The following TBCD variants were observed in gnomAD, a reference collection of about 807,000 sequenced individuals.
TBCD encodes tubulin-specific chaperone D.
In TBCD, 105 loss-of-function variants were observed where a neutral mutation model predicts 169.3. The observed-to-expected ratio is 0.62, with a 90% confidence interval of 0.53 to 0.73. The LOEUF is 0.73. Among genes scored for constraint, TBCD ranks in the 30% least tolerant of loss-of-function variants. The pLI is 0.00. For synonymous variants in TBCD, 700 were observed against 643.9 expected (o/e 1.09, Z -1.32); for missense variants, 1,444 against 1,600.1 (o/e 0.90, Z 1.66).
Position 82,831,955 on chromosome 17 carries a change from T to C in TBCD, c.1318+17021T>C. On this transcript the variant is annotated intron_variant, in intron 13 of 38. Transcript: ENST00000355528. The surrounding 1 kb of genome is among the most constrained non-coding windows in gnomAD (Gnocchi z 4.6). Reference sequence around the variant, plus strand: ...GTTGTCTGGCCCCTTGAGTCTGTGCTCGCCGACTGGAACAAATGCAGAAGG... The same window carrying C: ...GTTGTCTGGCCCCTTGAGTCTGTGCCCGCCGACTGGAACAAATGCAGAAGG... The C allele has an allele frequency of 6.2e-7, 1 of 1,613,962 alleles. No homozygotes were observed. Among genetic ancestry groups the C allele is most frequent in the Non-Finnish European group, 8.5e-7 (1 of 1,179,888 alleles).
chr17:82,900,846 A>C, intron 18 of TBCD, 115 bp downstream of exon 18: 5 of 764,964 alleles, frequency 6.5e-6, no homozygotes, highest in Non-Finnish European at 1.1e-5. Flanking sequence ...ATTTTAAAAT[A>C]ACTTCTGAGA....
chr17:82,869,108 G>T (rs1228550496), intron 13 of TBCD, among the ~76,000 whole-genome samples: 1 of 152,166 alleles, frequency 6.6e-6, no homozygotes, highest in African/African-American at 2.4e-5. Flanking sequence ...TTGGAGGCTT[G>T]GGTGCTCCCC....
chr17:82,801,647 GGC>G (rs1383810516), intron 9 of TBCD, among the ~76,000 whole-genome samples: 994 of 99,312 alleles, frequency 0.01, 25 homozygotes, highest in African/African-American at 0.033. Context: ...GCAGGAGGGC[GGC>G]GTGTGCGTTG....
rs532762515 is a variant in TBCD at position 82,837,861 on chromosome 17, A to G, written c.1318+22927A>G. Reference sequence around the variant, plus strand: ...GCACAAAGCCTTCTTTCTCCAAGTTATTTCAGATCAAGCAGCCAATGTAGA... The same window carrying G: ...GCACAAAGCCTTCTTTCTCCAAGTTGTTTCAGATCAAGCAGCCAATGTAGA... On this transcript the variant is annotated intron_variant, in intron 13 of 38. Transcript: ENST00000355528. 2.0e-3 allele frequency among the ~76,000 whole-genome samples: 305 copies of G among 152,276 alleles called. 2 individuals carry two copies. The highest frequency in any genetic ancestry group is 7.0e-3 in the African/African-American group (292 of 41,532).
intron 7 of TBCD, among the ~76,000 whole-genome samples, chr17:82,786,957 C>G (rs559770541): frequency 6.6e-6 from 1 of 151,458 alleles, no homozygotes; most frequent in South Asian, 2.1e-4. Flanking sequence ...GTGGGCGGGA[C>G]GGCTCGCTGC....
At chr17:82,857,472 A>T (rs1239417596) in intron 13 of TBCD, among the ~76,000 whole-genome samples, 1 of 152,076 alleles carries the variant, frequency 6.6e-6, no homozygotes, top group Non-Finnish European at 1.5e-5. Context: ...ACATTTCACC[A>T]TTGTTTTAAT....
At position 82,833,557 on chromosome 17, in the gene TBCD, A is replaced by G. The variant is rs2053698910; in HGVS notation, c.1318+18623A>G. 6.6e-6 allele frequency among the ~76,000 whole-genome samples: 1 copy of G among 152,210 alleles called. No individual in the cohort carries two copies. The highest frequency in any genetic ancestry group is 1.5e-5 in the Non-Finnish European group (1 of 68,040). On this transcript the variant is annotated intron_variant, in intron 13 of 38. Coordinates refer to ENST00000355528, the MANE Select transcript of TBCD (RefSeq NM_005993.5). This position sits in a 1 kb window ranked among gnomAD's most constrained non-coding sequence, Gnocchi z 4.7. ...GGTGAATTTGTACATCCTGTGAGTGACAGCAGCATTGTGAGACATGCTTTC... is the reference window on the plus strand; with the variant it reads ...GGTGAATTTGTACATCCTGTGAGTGGCAGCAGCATTGTGAGACATGCTTTC...
chr17:82,861,245 A>T (rs562971258), intron 13 of TBCD, among the ~76,000 whole-genome samples: 2 of 151,912 alleles, frequency 1.3e-5, no homozygotes, highest in East Asian at 3.9e-4. Flanking sequence ...TGGGCTTGGG[A>T]TGTGCGGCCG....
At position 82,806,244 on chromosome 17, in the gene TBCD, C is replaced by T. The variant is rs1331250862; in HGVS notation, c.1087+233C>T. ...AGAAGCCCTTTTTCCCACCGCCTCGCCTCCTTCCTGACCTGGGCTGCCTGT... is the reference window on the plus strand; with the variant it reads ...AGAAGCCCTTTTTCCCACCGCCTCGTCTCCTTCCTGACCTGGGCTGCCTGT... On this transcript the variant is annotated intron_variant, in intron 10 of 38. Transcript: ENST00000355528. The surrounding 1 kb of genome is among the most constrained non-coding windows in gnomAD (Gnocchi z 5.1). Among the ~76,000 whole-genome samples, 1 of 152,134 alleles carries T rather than the reference C, an allele frequency of 6.6e-6. No homozygotes were observed. The highest frequency in any genetic ancestry group is 2.4e-5 in the African/African-American group (1 of 41,428).
chr17:82,824,376 A>C (rs1390824894), intron 13 of TBCD, among the ~76,000 whole-genome samples: 2 of 151,796 alleles, frequency 1.3e-5, no homozygotes, highest in Non-Finnish European at 2.9e-5. Flanking sequence ...GTAGAGATGG[A>C]GTTTTATCAT....
At chr17:82,790,156 C>A (rs1465413721) in intron 7 of TBCD, among the ~76,000 whole-genome samples, 3 of 152,174 alleles carry the variant, frequency 2.0e-5, no homozygotes, top group Non-Finnish European at 4.4e-5. Flanking sequence ...AGGTGGGAGC[C>A]ATTTCCTTCT....
intron 6 of TBCD, among the ~76,000 whole-genome samples, chr17:82,781,105 A>G (rs1364528161): frequency 6.6e-6 from 1 of 151,960 alleles, no homozygotes; most frequent in Non-Finnish European, 1.5e-5. Context: ...CTGTGGAAAC[A>G]GGCCTGTGCA....
chr17:82,907,990 T>C lies in TBCD; in HGVS notation c.1983+169T>C, dbSNP rs879715. ...GTGATCACTCTGGGAACAGGCTCTC[T>C]GCTGGCGTCATGCTTGTGAACAGCC... On this transcript the variant is annotated intron_variant, in intron 21 of 38. Transcript: ENST00000355528. Among the ~76,000 whole-genome samples, 52,985 of 152,158 alleles carry C rather than the reference T, an allele frequency of 0.35. 10,274 individuals are homozygous for C. The highest frequency in any genetic ancestry group is 0.53 in the African/African-American group (22,007 of 41,498).
chr17:82,887,131 CTGTGTGTGTGTGTGTG>C (rs771003321), intron 15 of TBCD, among the ~76,000 whole-genome samples: 11 of 123,364 alleles, frequency 8.9e-5, no homozygotes, highest in African/African-American at 1.3e-4. Flanking sequence ...TACCTGTACT[CTGTGTGTGTGTGTGTG>C]TGTGTGTGTG....
At chr17:82,801,791 G>A (rs1285159488) in intron 9 of TBCD, among the ~76,000 whole-genome samples, 6 of 146,498 alleles carry the variant, frequency 4.1e-5, no homozygotes, top group South Asian at 2.2e-4. Context: ...CGTGTGCATC[G>A]TCGTGTGGCT....
intron 14 of TBCD, among the ~76,000 whole-genome samples, chr17:82,873,975 G>A (rs975770598): frequency 1.2e-4 from 18 of 152,190 alleles, no homozygotes; most frequent in African/African-American, 3.1e-4. Context: ...CCCTTGAGCC[G>A]CCCCTGCACA....
At position 82,884,810 on chromosome 17, in the gene TBCD, A is replaced by C. The variant is rs1173163945; in HGVS notation, c.1533+608A>C. 1.3e-5 allele frequency: 2 copies of C among 157,756 alleles called. No individual in the cohort carries two copies. The highest frequency in any genetic ancestry group is 2.8e-5 in the Non-Finnish European group (2 of 70,942). 9.8% of individuals were successfully genotyped at this position (157,756 alleles called of 1,614,324 possible). The stretch of plus-strand genomic sequence containing the variant: ...GAGCAGACTACTTCATTTGGCTCAG[A>C]GCTGGGCTGGAGTGAGGCCTGTGTC... On this transcript the variant is annotated intron_variant, in intron 15 of 38. Transcript: ENST00000355528. The surrounding 1 kb of genome is among the most constrained non-coding windows in gnomAD (Gnocchi z 4.2).
chr17:82,856,807 G>GGCGGGATC (rs548599468), intron 13 of TBCD, among the ~76,000 whole-genome samples: 3 of 137,496 alleles, frequency 2.2e-5, no homozygotes, highest in African/African-American at 8.3e-5. Context: ...GCGCATCCAG[G>GGCGGGATC]GCGGGATCGC....
chr17:82,933,836 C>T (rs1228054842), intron 34 of TBCD, among the ~76,000 whole-genome samples: 1 of 152,010 alleles, frequency 6.6e-6, no homozygotes, highest in Non-Finnish European at 1.5e-5. Flanking sequence ...TGGTCTCGAA[C>T]TCCTGACCTC....
Sources: gnomAD v4.1 joint callset for allele counts (sites outside exome capture counted in the v4.1 genomes callset) on GRCh38, gnomAD v4.1.1 for gene constraint, Gnocchi (gnomAD v3.1) non-coding constraint, MANE v1.5 for transcripts, NCBI Gene and HGNC (gene_info 2026-07-23, HGNC 2026-07-21) for gene names.